ZNF10: variants seen among roughly 807,000 people sequenced by gnomAD.
ZNF10 encodes zinc finger protein 10 (KOX 1).
ZNF10 carries 8 observed loss-of-function variants against 12.2 expected under a neutral mutation model. That is an observed-to-expected ratio of 0.66 (90% CI 0.39 to 1.18). The LOEUF is 1.18. ZNF10 is among the 50% of genes most tolerant of loss of function. The probability of loss-of-function intolerance (pLI) is 0.01; values close to 1 mark genes in which losing one functional copy is unlikely to be tolerated. For missense variants in ZNF10, 603 were observed against 678.9 expected (o/e 0.89, Z 1.24); for synonymous variants, 229 against 228.2 (o/e 1.00, Z -0.03).
chr12:133,134,312 C>CAA (rs922562262), intron 1 of ZNF10, among the ~76,000 whole-genome samples: 1 of 138,434 alleles, frequency 7.2e-6, no homozygotes, highest in Non-Finnish European at 1.6e-5. Flanking sequence ...GACTCCCTCT[C>CAA]AAAAAAAAAA....
At position 133,156,286 on chromosome 12, in the gene ZNF10, A is replaced by C. The variant is rs1956040900; in HGVS notation, c.1040A>C (p.Lys347Thr). 5 of 1,614,128 alleles carry C rather than the reference A, an allele frequency of 3.1e-6. No homozygotes were observed. The highest frequency in any genetic ancestry group is 4.2e-6 in the Non-Finnish European group (5 of 1,180,000). Residue 347 changes from lysine (K) to threonine (T), a missense_variant, in exon 5 of 5, where the codon AAA becomes ACA. Around this residue, in one of 3 missense-constraint regions of ZNF10, gnomAD observed 204 missense variants for 262.8 expected, o/e 0.78. Transcript: ENST00000248211. ...CATCAGAGAACTCATACAGGAGACA[A>C]ACTGTACACATGTAATCAGTGTGGG... ...VTHQRTHTGD[K>T]LYTCNQCGKS...
At chr12:133,141,110 A>G (rs182902811) in intron 1 of ZNF10, among the ~76,000 whole-genome samples, 8 of 152,298 alleles carry the variant, frequency 5.3e-5, no homozygotes, top group Non-Finnish European at 7.4e-5. Flanking sequence ...TGTCTACCCA[A>G]TCAGTATCTA....
intron 1 of ZNF10, among the ~76,000 whole-genome samples, chr12:133,132,085 A>G (rs1336277057): frequency 2.0e-5 from 3 of 152,346 alleles, no homozygotes; most frequent in South Asian, 2.1e-4. Flanking sequence ...AAGTTAGCAC[A>G]TACTTTTATT....
intron 1 of ZNF10, among the ~76,000 whole-genome samples, chr12:133,138,642 G>A (rs1955926612): frequency 6.6e-6 from 1 of 152,176 alleles, no homozygotes; most frequent in South Asian, 2.1e-4. Flanking sequence ...GATAGGATGT[G>A]CAAATGTGTG....
At chr12:133,140,898 A>C (rs1252583771) in intron 1 of ZNF10, among the ~76,000 whole-genome samples, 1 of 152,034 alleles carries the variant, frequency 6.6e-6, no homozygotes, top group Non-Finnish European at 1.5e-5. Context: ...AATTCTGGAG[A>C]TCTGCAAAGG....
chr12:133,138,373 T>G (rs945448681), intron 1 of ZNF10, among the ~76,000 whole-genome samples: 6 of 146,966 alleles, frequency 4.1e-5, no homozygotes, highest in African/African-American at 1.5e-4. Context: ...GACCAGAAAT[T>G]TTGAGACCCT....
At chr12:133,139,288 A>G (rs1010600988) in intron 1 of ZNF10, 1 of 152,256 alleles carries the variant, frequency 6.6e-6, no homozygotes, top group African/African-American at 2.4e-5. Flanking sequence ...ATCTTGCAAC[A>G]TGGGTAAGGT....
chr12:133,147,338 A>C (rs954998337), intron 2 of ZNF10, among the ~76,000 whole-genome samples: 5 of 152,238 alleles, frequency 3.3e-5, no homozygotes, highest in Non-Finnish European at 7.3e-5. Context: ...AAATTTTCCA[A>C]AGTGGTTGTA....
chr12:133,147,271 A>T (rs1415087268), intron 2 of ZNF10, among the ~76,000 whole-genome samples: 1 of 152,232 alleles, frequency 6.6e-6, no homozygotes, highest in Non-Finnish European at 1.5e-5. Context: ...TCAGGTATTT[A>T]GCCAAGAGAA....
Position 133,134,255 on chromosome 12 carries a change from A to G in ZNF10, c.-60+3501A>G, listed in dbSNP as rs1370443268. ...TTGAACCCAAGAGGCGGCGGTTGCA[A>G]TGAGCCGAGATTGCTTCACTGCACT... is the stretch of plus-strand genomic sequence containing the variant. On this transcript the variant is annotated intron_variant, in intron 1 of 4. Coordinates refer to ENST00000248211, the MANE Select transcript of ZNF10 (RefSeq NM_015394.5). Among the ~76,000 whole-genome samples the G allele has an allele frequency of 6.6e-5, 10 of 152,056 alleles. No individual in the cohort carries two copies. In the East Asian group the frequency reaches 7.7e-4, roughly 12 times the overall value.
chr12:133,139,135 G>T (rs1482593189), intron 1 of ZNF10: 1 of 152,150 alleles, frequency 6.6e-6, no homozygotes, highest in Non-Finnish European at 1.5e-5. Context: ...ATGACCCTTT[G>T]GTCAGCTAAT....
intron 1 of ZNF10, among the ~76,000 whole-genome samples, chr12:133,138,024 C>G (rs1416429105): frequency 6.9e-6 from 1 of 144,120 alleles, no homozygotes; most frequent in Non-Finnish European, 1.5e-5. Flanking sequence ...GCTATACATT[C>G]ATTTGTACCA....
chr12:133,155,426 C>G lies in ZNF10; in HGVS notation c.257-77C>G, dbSNP rs1956033024. 2.8e-6 allele frequency: 4 copies of G among 1,437,300 alleles called. No homozygotes were observed. In the South Asian group the frequency reaches 4.3e-5, roughly 15 times the overall value. The allele number at this position is 1,437,300 out of a possible 1,614,324, so 89.0% of individuals were successfully genotyped here. Reference sequence around the variant, plus strand: ...AAAGCAACTGTGTACATCTTGCATACTTTGTCTCCACATACATCCTAGCAT... The same window carrying G: ...AAAGCAACTGTGTACATCTTGCATAGTTTGTCTCCACATACATCCTAGCAT... On this transcript the variant is annotated intron_variant, in intron 4 of 4. Coordinates refer to ENST00000248211, the MANE Select transcript of ZNF10 (RefSeq NM_015394.5).
chr12:133,148,750 GGT>G (rs1566348474), intron 2 of ZNF10, among the ~76,000 whole-genome samples: 1 of 137,408 alleles, frequency 7.3e-6, no homozygotes, highest in African/African-American at 2.6e-5. Flanking sequence ...ATTCAATGTT[GGT>G]TTTTTTTTTT....
At chr12:133,135,668 CT>C (rs1185352359) in intron 1 of ZNF10, among the ~76,000 whole-genome samples, 3 of 152,200 alleles carry the variant, frequency 2.0e-5, no homozygotes, top group African/African-American at 7.2e-5. Context: ...TCTCACGACT[CT>C]TCTTGGAGGT....
intron 1 of ZNF10, among the ~76,000 whole-genome samples, chr12:133,142,221 G>A (rs1484287884): frequency 6.6e-6 from 1 of 152,086 alleles, no homozygotes; most frequent in Admixed American, 6.5e-5. Context: ...TCAGGAGTTC[G>A]AGACCAGCCT....
rs942196829 is a variant in ZNF10 at position 133,158,952 on chromosome 12, C to T, written c.*1984C>T. On this transcript the variant is annotated 3_prime_UTR_variant, in exon 5 of 5. Coordinates refer to ENST00000248211, the MANE Select transcript of ZNF10 (RefSeq NM_015394.5). Reference sequence around the variant, plus strand: ...CTTCTCACTGTGTACACACCATGCCCACATACAACATACCTATCAGAAATG... The same window carrying T: ...CTTCTCACTGTGTACACACCATGCCTACATACAACATACCTATCAGAAATG... 23 of 152,182 alleles carry T rather than the reference C, an allele frequency of 1.5e-4. No homozygotes were observed. Among genetic ancestry groups the T allele is most frequent in the African/African-American group, 5.1e-4 (21 of 41,454 alleles). 9.4% of individuals were successfully genotyped at this position (152,182 alleles called of 1,614,324 possible).
chr12:133,150,194 C>T (rs1955999292), intron 2 of ZNF10, among the ~76,000 whole-genome samples: 1 of 152,202 alleles, frequency 6.6e-6, no homozygotes, highest in African/African-American at 2.4e-5. Context: ...AGGTTTCTCT[C>T]TGGTATCATT....
chr12:133,138,846 G>C (rs1041135282), intron 1 of ZNF10, among the ~76,000 whole-genome samples: 4 of 152,112 alleles, frequency 2.6e-5, no homozygotes, highest in Non-Finnish European at 1.5e-5. Context: ...GTGTAAAAAG[G>C]GATGAATAAA....
Sources: allele counts gnomAD v4.1 joint callset (sites outside exome capture counted in the v4.1 genomes callset), GRCh38; gene constraint gnomAD v4.1.1; regional missense constraint gnomAD v4.1.1; transcripts MANE v1.5; gene names NCBI Gene and HGNC (gene_info 2026-07-23, HGNC 2026-07-21).